The following MTFR1L variants were observed in gnomAD, a reference collection of about 807,000 sequenced individuals.
The protein encoded by MTFR1L is mitochondrial fission regulator 1 like.
In MTFR1L, 10 loss-of-function variants were observed where a neutral mutation model predicts 27.9. The ratio of observed to expected loss-of-function variants is 0.36; its 90% confidence interval spans 0.22 to 0.61. The LOEUF is 0.61. Among genes scored for constraint, MTFR1L ranks in the 20% least tolerant of loss-of-function variants. The pLI is 0.73. For missense variants in MTFR1L, 315 were observed against 363.7 expected (o/e 0.87, Z 1.09); for synonymous variants, 151 against 139.4 (o/e 1.08, Z -0.58).
intron 1 of MTFR1L, chr1:25,822,728 G>A: frequency 2.0e-6 from 1 of 503,838 alleles, no homozygotes; most frequent in South Asian, 2.3e-5. Flanking sequence ...GGGCTTCACT[G>A]TGTTAGCCAG....
Position 25,832,056 on chromosome 1 carries a change from T to C in MTFR1L, c.*30T>C, listed in dbSNP as rs369725159. The C allele has an allele frequency of 1.7e-5, 28 of 1,613,934 alleles. No individual in the cohort carries two copies. The highest frequency in any genetic ancestry group is 2.2e-5 in the Non-Finnish European group (26 of 1,180,002). ...CCTCAGCTCTGCAAACTCAGTCTCA[T>C]GCTCCTGGAATACCTTCAATAGCTG... On this transcript the variant is annotated 3_prime_UTR_variant, in exon 7 of 7. Coordinates refer to ENST00000374303, the MANE Select transcript of MTFR1L (RefSeq NM_001099625.2).
Position 25,826,556 on chromosome 1 carries a change from C to A in MTFR1L, c.240-59C>A. ...ACTCTCACAGAAGTGGGGGAAGGAA[C>A]CTTAGGAGCACAGTGGCCTGCTGTC... On this transcript the variant is annotated intron_variant, in intron 4 of 6. Coordinates refer to ENST00000374303, the MANE Select transcript of MTFR1L (RefSeq NM_001099625.2). The surrounding 1 kb of genome is among the most constrained non-coding windows in gnomAD (Gnocchi z 4.1). 1 of 1,603,928 alleles carries A rather than the reference C, an allele frequency of 6.2e-7. No individual in the cohort carries two copies. The highest frequency in any genetic ancestry group is 8.5e-7 in the Non-Finnish European group (1 of 1,171,448).
At chr1:25,831,110 T>C (rs1235829845) in intron 6 of MTFR1L, among the ~76,000 whole-genome samples, 7 of 152,168 alleles carry the variant, frequency 4.6e-5, no homozygotes, top group Admixed American at 3.3e-4. Flanking sequence ...GCTGGGTCAG[T>C]GAATAAGAAT....
intron 5 of MTFR1L, among the ~76,000 whole-genome samples, chr1:25,829,060 T>C (rs1163451989): frequency 6.6e-6 from 1 of 152,204 alleles, no homozygotes; most frequent in East Asian, 1.9e-4. Flanking sequence ...GGGAGGTCTG[T>C]TACCATTCTG....
intron 3 of MTFR1L, 63 bp downstream of exon 3, chr1:25,823,811 C>T: frequency 3.8e-6 from 6 of 1,573,030 alleles, no homozygotes; most frequent in South Asian, 1.2e-5. Flanking sequence ...TGCCCCAAAC[C>T]CCTTGGTACT....
At chr1:25,823,275 T>C in intron 2 of MTFR1L, 147 bp downstream of exon 2, 2 of 846,980 alleles carry the variant, frequency 2.4e-6, no homozygotes, top group Non-Finnish European at 2.0e-6. Context: ...TTTCACTCCC[T>C]CCCCCTAAGA....
intron 3 of MTFR1L, among the ~76,000 whole-genome samples, chr1:25,825,178 C>T (rs767909633): frequency 9.2e-5 from 14 of 152,004 alleles, no homozygotes; most frequent in African/African-American, 3.1e-4. Flanking sequence ...AATGCAGGAG[C>T]GATCAATCCT....
At chr1:25,821,913 A>G (rs994755091) in intron 1 of MTFR1L, 1 of 152,130 alleles carries the variant, frequency 6.6e-6, no homozygotes, top group Non-Finnish European at 1.5e-5. Context: ...ACTGTGTCTT[A>G]CTCCTTCCAT....
At chr1:25,829,467 C>T (rs1168914555) in intron 5 of MTFR1L, 42 bp from the exon 6 acceptor site, 1 of 1,556,504 alleles carries the variant, frequency 6.4e-7, no homozygotes, top group Non-Finnish European at 8.8e-7. Context: ...CTACTGTGTT[C>T]TAGCCCCAAT....
rs2048255700 is a variant in MTFR1L, at chr1:25,832,286, T to TAAGA, written c.*261_*264dup. 3 of 1,070,670 alleles carry TAAGA rather than the reference T, an allele frequency of 2.8e-6. No homozygotes were observed. Among genetic ancestry groups the TAAGA allele is most frequent in the Non-Finnish European group, 4.0e-6 (3 of 750,974 alleles). The allele number at this position is 1,070,670 out of a possible 1,614,324, so 66.3% of individuals were successfully genotyped here. On this transcript the variant is annotated 3_prime_UTR_variant, in exon 7 of 7. Transcript: ENST00000374303. ...GAATGAAGTATCTTAGTTTAAAGGG[T>TAAGA]AAGAGAGAAGTTGTTTCTGGTTTTT... is the stretch of plus-strand genomic sequence containing the variant.
In MTFR1L at chr1:25,832,599, A is replaced by G. The variant is rs1409959302; in HGVS notation, c.*573A>G. On this transcript the variant is annotated 3_prime_UTR_variant, in exon 7 of 7. Transcript: ENST00000374303. Reference sequence around the variant, plus strand: ...TGCTGAACCAGCCAACACATGGGCTACTGCTGGGAAGCCTGGGCTGTTTTT... The same window carrying G: ...TGCTGAACCAGCCAACACATGGGCTGCTGCTGGGAAGCCTGGGCTGTTTTT... The G allele has an allele frequency of 5.7e-6, 1 of 174,640 alleles. No homozygotes were observed. Among genetic ancestry groups the G allele is most frequent in the African/African-American group, 2.4e-5 (1 of 42,374 alleles). The allele number at this position is 174,640 out of a possible 1,614,324, so 10.8% of individuals were successfully genotyped here. A position where few individuals can be genotyped will look rare whatever the true frequency, so the allele number is the denominator to read the frequency against.
In MTFR1L at chr1:25,826,703, T is replaced by A; in HGVS notation, c.328T>A (p.Ser110Thr). Reference sequence around the variant, plus strand: ...TGCCTCTGTTCCCAACCTGCGTGGGTCCGAGGAGAGGCTTCTGGCCCTGAA... The same window carrying A: ...TGCCTCTGTTCCCAACCTGCGTGGGACCGAGGAGAGGCTTCTGGCCCTGAA... ...RNASVPNLRGSEERLLALKKP... is the reference protein window; with the variant it reads ...RNASVPNLRGTEERLLALKKP... Residue 110 changes from serine (S) to threonine (T), a missense_variant, in exon 5 of 7, where the codon TCC becomes ACC. Transcript: ENST00000374303. The surrounding 1 kb of genome is among the most constrained non-coding windows in gnomAD (Gnocchi z 4.1). 1 of 1,613,768 alleles carries A rather than the reference T, an allele frequency of 6.2e-7. No homozygotes were observed. The highest frequency in any genetic ancestry group is 8.5e-7 in the Non-Finnish European group (1 of 1,179,854).
chr1:25,827,411 T>C (rs1280780060), intron 5 of MTFR1L, among the ~76,000 whole-genome samples: 1 of 151,840 alleles, frequency 6.6e-6, no homozygotes, highest in Non-Finnish European at 1.5e-5. Flanking sequence ...GCTGGGATTA[T>C]AGGTGTGAGC....
chr1:25,825,506 A>G (rs1033280915), intron 3 of MTFR1L: 5 of 152,168 alleles, frequency 3.3e-5, no homozygotes, highest in African/African-American at 9.7e-5. Flanking sequence ...TTTACTCAAC[A>G]TCTCTAGGTT....
intron 6 of MTFR1L, among the ~76,000 whole-genome samples, chr1:25,830,867 C>T (rs975143105): frequency 6.6e-6 from 1 of 152,178 alleles, no homozygotes; most frequent in Non-Finnish European, 1.5e-5. Flanking sequence ...CACTCTTAAC[C>T]TTCCTTCACT....
At chr1:25,828,409 CCT>C (rs2048194771) in intron 5 of MTFR1L, among the ~76,000 whole-genome samples, 1 of 152,078 alleles carries the variant, frequency 6.6e-6, no homozygotes, top group South Asian at 2.1e-4. Context: ...ATGGTGAAAC[CCT>C]GTCTCTATAA....
chr1:25,826,870 T>C lies in MTFR1L; in HGVS notation c.451+44T>C. 1.9e-6 allele frequency: 3 copies of C among 1,598,264 alleles called. No individual in the cohort carries two copies. Among genetic ancestry groups the C allele is most frequent in the Non-Finnish European group, 2.6e-6 (3 of 1,170,644 alleles). The stretch of plus-strand genomic sequence containing the variant: ...GGGCCAGAACGTAACAGGCTGTTCC[T>C]TTCCCCTGGCTCTTGGGCAGGATAG... On this transcript the variant is annotated intron_variant, in intron 5 of 6. Transcript: ENST00000374303. This position sits in a 1 kb window ranked among gnomAD's most constrained non-coding sequence, Gnocchi z 4.1.
intron 1 of MTFR1L, 40 bp from the exon 2 acceptor site, chr1:25,822,979 G>C (rs1399319138): frequency 4.5e-6 from 7 of 1,551,104 alleles, no homozygotes; most frequent in Non-Finnish European, 6.2e-6. Context: ...CCCCACTGTG[G>C]GGGGTTGTTT....
chr1:25,820,185 G>C (rs931684019), intron 1 of MTFR1L, 156 bp downstream of exon 1: 2 of 453,898 alleles, frequency 4.4e-6, no homozygotes, highest in African/African-American at 4.0e-5. Flanking sequence ...CTTGGCCCGG[G>C]GGAAACTGAG....
Sources: allele counts gnomAD v4.1 joint callset (sites outside exome capture counted in the v4.1 genomes callset), GRCh38; gene constraint gnomAD v4.1.1; non-coding constraint Gnocchi (gnomAD v3.1); transcripts MANE v1.5; gene names NCBI Gene and HGNC (gene_info 2026-07-23, HGNC 2026-07-21).